The following UGGT1 variants were observed in gnomAD, a reference collection of about 807,000 sequenced individuals.
UGGT1 encodes the protein UDP-glucose:glycoprotein glucosyltransferase 1.
A neutral mutation model predicts 203.9 loss-of-function variants in UGGT1; 107 were observed. The ratio of observed to expected loss-of-function variants is 0.52; its 90% confidence interval spans 0.45 to 0.62. The LOEUF (loss-of-function observed/expected upper bound fraction) is 0.62, where lower values mean the gene tolerates loss of function less well. Among genes scored for constraint, UGGT1 ranks in the 20% least tolerant of loss-of-function variants. UGGT1 has a pLI of 0.00. For missense variants in UGGT1, 1,673 were observed against 1,867.2 expected (o/e 0.90, Z 1.92); for synonymous variants, 628 against 653.5 (o/e 0.96, Z 0.59).
chr2:128,176,671 C>A, intron 31 of UGGT1, 143 bp from the exon 32 acceptor site: 1 of 771,282 alleles, frequency 1.3e-6, no homozygotes, highest in Non-Finnish European at 2.2e-6. Context: ...TTCTGTGCAG[C>A]TCGAAGGAGC....
At chr2:128,164,578 A>C in intron 25 of UGGT1, 152 bp from the exon 26 acceptor site, 1 of 605,690 alleles carries the variant, frequency 1.7e-6, no homozygotes, top group Non-Finnish European at 3.0e-6. Context: ...TTATACCACT[A>C]ATCACTCTTT....
chr2:128,182,681 AGAGT>A (rs1251879830), intron 37 of UGGT1, among the ~76,000 whole-genome samples: 2 of 121,092 alleles, frequency 1.7e-5, no homozygotes, highest in Non-Finnish European at 3.3e-5. Context: ...CCTGGATGAC[AGAGT>A]GAGATTCCAT....
At chr2:128,114,619 C>T (rs1688014082) in intron 6 of UGGT1, among the ~76,000 whole-genome samples, 1 of 152,180 alleles carries the variant, frequency 6.6e-6, no homozygotes. Context: ...AAAGCATACT[C>T]CCATGGGCCT....
intron 19 of UGGT1, among the ~76,000 whole-genome samples, chr2:128,153,278 T>C (rs2104712875): frequency 6.6e-6 from 1 of 152,324 alleles, no homozygotes; most frequent in African/African-American, 2.4e-5. Context: ...AGCCATAATG[T>C]CAACAAATAT....
chr2:128,108,293 A>T (rs545472466), intron 4 of UGGT1, among the ~76,000 whole-genome samples: 1 of 152,352 alleles, frequency 6.6e-6, no homozygotes, highest in East Asian at 1.9e-4. Context: ...AAAGACAGCA[A>T]TATTTTATTT....
At chr2:128,154,845 CAG>C (rs778838081) in intron 19 of UGGT1, among the ~76,000 whole-genome samples, 9 of 152,018 alleles carry the variant, frequency 5.9e-5, no homozygotes, top group African/African-American at 1.5e-4. Context: ...TTGTTAGAGA[CAG>C]AGAGTTTACA....
Position 128,173,848 on chromosome 2 carries a change from T to G in UGGT1, c.3362T>G (p.Ile1121Ser). ...TTACTGGAAGGTCATTGCTACGACA[T>G]CACCACAGGCCAGCCTCCACGGGGA... ...YLLLEGHCYD[I>S]TTGQPPRGLQ... The change falls in exon 30 of 41, where the codon ATC becomes AGC. Residue 1121 changes from isoleucine (I) to serine (S), a missense_variant. Coordinates refer to ENST00000259253, the MANE Select transcript of UGGT1 (RefSeq NM_020120.4). 6.2e-7 allele frequency: 1 copy of G among 1,614,216 alleles called. No individual in the cohort carries two copies. Among genetic ancestry groups the G allele is most frequent in the Non-Finnish European group, 8.5e-7 (1 of 1,180,024 alleles).
chr2:128,121,439 C>T (rs1044016239), intron 10 of UGGT1, 141 bp downstream of exon 10: 5 of 579,334 alleles, frequency 8.6e-6, no homozygotes, highest in Non-Finnish European at 1.4e-5. Context: ...GAGTCTCACT[C>T]TTGTTGCCGA....
intron 25 of UGGT1, 94 bp from the exon 26 acceptor site, chr2:128,164,636 T>C (rs1486302552): frequency 6.9e-6 from 7 of 1,008,058 alleles, no homozygotes; most frequent in Admixed American, 5.7e-5. Context: ...ACCATCTTGT[T>C]AGAATTCAGT....
At chr2:128,184,641 C>T (rs936700279) in intron 38 of UGGT1, among the ~76,000 whole-genome samples, 2 of 152,150 alleles carry the variant, frequency 1.3e-5, no homozygotes, top group African/African-American at 4.8e-5. Flanking sequence ...TTTTCTTCTC[C>T]TCTATCTCAA....
At chr2:128,118,004 G>GA in intron 8 of UGGT1, among the ~76,000 whole-genome samples, 1 of 151,520 alleles carries the variant, frequency 6.6e-6, no homozygotes, top group South Asian at 2.1e-4. Context: ...GAGAGAGAGA[G>GA]AGAGAGAGAG....
intron 10 of UGGT1, among the ~76,000 whole-genome samples, chr2:128,122,615 C>T (rs919574770): frequency 4.6e-5 from 7 of 151,942 alleles, no homozygotes; most frequent in African/African-American, 9.7e-5. Context: ...CTCATAAATG[C>T]AAGGCAAAAT....
In UGGT1 at chr2:128,170,349, C is replaced by T. The variant is rs758921221; in HGVS notation, c.2983C>T (p.Pro995Ser). Residue 995 changes from proline (P) to serine (S), a missense_variant, in exon 27 of 41, where the codon CCT becomes TCT. This residue lies in a region of UGGT1 where 513 missense variants were observed against 684.1 expected (regional missense o/e 0.75). Coordinates refer to ENST00000259253, the MANE Select transcript of UGGT1 (RefSeq NM_020120.4). Reference sequence around the variant, plus strand: ...CTTTGATGTTGTGGCTGTCGTTGACCCTGTCACCAGAGAAGCACAGAGACT... The same window carrying T: ...CTTTGATGTTGTGGCTGTCGTTGACTCTGTCACCAGAGAAGCACAGAGACT... ...TYFDVVAVVDPVTREAQRLAP... is the reference protein window; with the variant it reads ...TYFDVVAVVDSVTREAQRLAP... 6.2e-7 allele frequency: 1 copy of T among 1,614,144 alleles called. No individual in the cohort carries two copies. Among genetic ancestry groups the T allele is most frequent in the Non-Finnish European group, 8.5e-7 (1 of 1,180,022 alleles).
At chr2:128,108,680 AAT>A (rs57989404) in intron 4 of UGGT1, among the ~76,000 whole-genome samples, 71,306 of 147,428 alleles carry the variant, frequency 0.48, 17,966 homozygotes, top group Non-Finnish European at 0.59. Flanking sequence ...CCTCACAAAA[AAT>A]ATATAGTAAT....
At chr2:128,177,701 G>T in intron 32 of UGGT1, 131 bp from the exon 33 acceptor site, 1 of 672,168 alleles carries the variant, frequency 1.5e-6, no homozygotes, top group South Asian at 2.3e-5. Flanking sequence ...TCTGGGTGGG[G>T]TTGTGCCTGT....
In UGGT1 at chr2:128,182,217, G is replaced by A. The variant is rs763103011; in HGVS notation, c.4171G>A (p.Glu1391Lys). Residue 1391 changes from glutamate (E) to lysine (K), a missense_variant, in exon 37 of 41, where the codon GAA becomes AAA. This residue lies in a region of UGGT1 where 513 missense variants were observed against 684.1 expected (regional missense o/e 0.75). Transcript: ENST00000259253. ...GYTPFCDSRREMDGYRFWKSG... is the reference protein window; with the variant it reads ...GYTPFCDSRRKMDGYRFWKSG... ...CACTCCTTTCTGTGACAGCCGAAGA[G>A]AAATGGACGGCTACAGGTTCTGGAA... The A allele has an allele frequency of 1.2e-6, 2 of 1,614,210 alleles. No homozygotes were observed. Among genetic ancestry groups the A allele is most frequent in the East Asian group, 4.5e-5 (2 of 44,884 alleles).
At chr2:128,154,058 TATAC>T (rs781782089) in intron 19 of UGGT1, among the ~76,000 whole-genome samples, 3 of 86,826 alleles carry the variant, frequency 3.5e-5, no homozygotes, top group Non-Finnish European at 8.1e-5. Context: ...TACATGTATA[TATAC>T]ACACACACAC....
At chr2:128,160,138 G>A (rs765285038) in intron 23 of UGGT1, among the ~76,000 whole-genome samples, 8 of 152,100 alleles carry the variant, frequency 5.3e-5, no homozygotes, top group Non-Finnish European at 1.2e-4. Context: ...TTTACAGAAT[G>A]ATGAGTATAT....
intron 15 of UGGT1, among the ~76,000 whole-genome samples, chr2:128,136,443 A>ACGTT (rs60082962): frequency 0.9 from 136,730 of 151,920 alleles, 62,305 homozygotes; most frequent in Non-Finnish European, 0.98. Flanking sequence ...ATTTTCCAGA[A>ACGTT]CTAGGTTGCA....
Sources: gnomAD v4.1 joint callset for allele counts (sites outside exome capture counted in the v4.1 genomes callset) on GRCh38, gnomAD v4.1.1 for gene constraint, gnomAD v4.1.1 regional missense constraint, MANE v1.5 for transcripts, NCBI Gene and HGNC (gene_info 2026-07-23, HGNC 2026-07-21) for gene names.